The following ACYP2 variants were observed in gnomAD, a reference collection of about 807,000 sequenced individuals.
ACYP2 encodes acylphosphatase-2.
ACYP2 carries 12 observed loss-of-function variants against 11.2 expected under a neutral mutation model. The ratio of observed to expected loss-of-function variants is 1.08; its 90% confidence interval spans 0.69 to 1.74. ACYP2 has a LOEUF of 1.74. ACYP2 is among the 40% of genes most tolerant of loss of function. ACYP2 has a pLI of 0.00. For synonymous variants in ACYP2, 43 were observed against 32.2 expected (o/e 1.33, Z -1.13); for missense variants, 134 against 101.9 (o/e 1.31, Z -1.35).
At chr2:54,012,272 T>TGGCTCACAC (rs1463074441) in intron 2 of ACYP2, among the ~76,000 whole-genome samples, 1 of 150,532 alleles carries the variant, frequency 6.6e-6, no homozygotes, top group East Asian at 1.9e-4. Context: ...CTGGACATGG[T>TGGCTCACAC]GGCTCACACG....
intron 6 of ACYP2, among the ~76,000 whole-genome samples, chr2:54,160,361 A>G (rs1365143396): frequency 6.6e-6 from 1 of 152,192 alleles, no homozygotes; most frequent in African/African-American, 2.4e-5. Context: ...TGTGTGTGCT[A>G]TTGTCCATCC....
chr2:54,294,002 G>A (rs1689420210), intron 6 of ACYP2, among the ~76,000 whole-genome samples: 1 of 152,180 alleles, frequency 6.6e-6, no homozygotes, highest in South Asian at 2.1e-4. Context: ...AGGCAACTCA[G>A]TATTTTCCAA....
intron 4 of ACYP2, chr2:54,065,827 A>G (rs920621228): frequency 2.7e-5 from 7 of 255,150 alleles, no homozygotes; most frequent in African/African-American, 1.3e-4. Flanking sequence ...GCTCAGCTGA[A>G]TAGATTCTTG....
At chr2:54,012,693 A>G (rs145769428) in intron 2 of ACYP2, among the ~76,000 whole-genome samples, 1 of 152,002 alleles carries the variant, frequency 6.6e-6, no homozygotes, top group Admixed American at 6.6e-5. Context: ...TTAATCCATC[A>G]TCTCTGTCTG....
chr2:54,261,714 A>G (rs1687787787), intron 6 of ACYP2, among the ~76,000 whole-genome samples: 1 of 152,198 alleles, frequency 6.6e-6, no homozygotes. Context: ...AACATACAGA[A>G]CTATTTTTCT....
At chr2:54,049,578 C>T (rs932363053) in intron 2 of ACYP2, among the ~76,000 whole-genome samples, 5 of 152,178 alleles carry the variant, frequency 3.3e-5, no homozygotes, top group African/African-American at 4.8e-5. Context: ...GCTGTGCAAG[C>T]ATGGGCATGG....
At chr2:54,198,794 C>G (rs1275382483) in intron 6 of ACYP2, among the ~76,000 whole-genome samples, 2 of 152,192 alleles carry the variant, frequency 1.3e-5, no homozygotes, top group African/African-American at 4.8e-5. Flanking sequence ...ACCGAACTTA[C>G]ATTTCATAGT....
chr2:54,110,185 T>C (rs951439487), intron 4 of ACYP2, among the ~76,000 whole-genome samples: 1 of 152,224 alleles, frequency 6.6e-6, no homozygotes, highest in African/African-American at 2.4e-5. Context: ...TGAATCCCCA[T>C]CTACCCAAGA....
intron 2 of ACYP2, among the ~76,000 whole-genome samples, chr2:54,015,645 T>TCTCACACACACACACACA (rs1322863615): frequency 4.6e-5 from 6 of 130,420 alleles, no homozygotes; most frequent in African/African-American, 1.9e-4. Flanking sequence ...TGAGACCCCG[T>TCTCACACACACACACACA]CACACACACA....
chr2:54,026,834 C>G (rs1420877667), intron 2 of ACYP2, among the ~76,000 whole-genome samples: 1 of 149,950 alleles, frequency 6.7e-6, no homozygotes, highest in East Asian at 2.0e-4. Flanking sequence ...TATGTTCTCA[C>G]TTAGAAATGG....
chr2:54,238,744 A>G (rs1160966587), intron 6 of ACYP2, among the ~76,000 whole-genome samples: 1 of 152,086 alleles, frequency 6.6e-6, no homozygotes, highest in African/African-American at 2.4e-5. Flanking sequence ...GTGACTTAAT[A>G]TGTATATTCA....
chr2:54,161,327 G>A (rs1027273145), intron 6 of ACYP2, among the ~76,000 whole-genome samples: 6 of 152,158 alleles, frequency 3.9e-5, no homozygotes, highest in Admixed American at 2.6e-4. Context: ...GCTGGGACCC[G>A]TGCATCAAAT....
intron 2 of ACYP2, among the ~76,000 whole-genome samples, chr2:54,018,214 G>C (rs1389019063): frequency 1.3e-5 from 2 of 152,154 alleles, no homozygotes; most frequent in Non-Finnish European, 2.9e-5. Flanking sequence ...TCACCTAGAG[G>C]GTTTCACTGA....
chr2:54,145,721 A>T (rs1198921013), intron 6 of ACYP2, among the ~76,000 whole-genome samples: 1 of 152,202 alleles, frequency 6.6e-6, no homozygotes, highest in South Asian at 2.1e-4. Context: ...ACAATATTTT[A>T]ATCTATAAAA....
rs189395001 is a variant in ACYP2, at chr2:54,126,846, C to T, written c.278-8607C>T. On this transcript the variant is annotated intron_variant, in intron 4 of 6. Coordinates refer to ENST00000607452, the MANE Select transcript of ACYP2 (RefSeq NM_001320586.2). ...GCATGTGCCTGTAATCCCAGCTACC[C>T]GGGAGGGTGAGGCAGGAGAATAAGT... 1.7e-3 allele frequency among the ~76,000 whole-genome samples: 255 copies of T among 151,064 alleles called. 1 individual carries two copies. Among genetic ancestry groups the T allele is most frequent in the Admixed American group, 4.3e-3 (65 of 15,122 alleles).
intron 2 of ACYP2, among the ~76,000 whole-genome samples, chr2:54,027,825 C>CATG: frequency 7.8e-6 from 1 of 129,024 alleles, no homozygotes; most frequent in African/African-American, 3.0e-5. Flanking sequence ...CATCATGTTT[C>CATG]TTTCTTTCTT....
At chr2:54,045,383 T>C (rs904157704) in intron 2 of ACYP2, among the ~76,000 whole-genome samples, 2 of 152,212 alleles carry the variant, frequency 1.3e-5, no homozygotes, top group African/African-American at 4.8e-5. Flanking sequence ...TCTCAGTGTA[T>C]TGGCGTGTTA....
intron 4 of ACYP2, among the ~76,000 whole-genome samples, chr2:54,131,901 G>T (rs888404143): frequency 5.9e-5 from 9 of 152,162 alleles, no homozygotes; most frequent in African/African-American, 1.9e-4. Context: ...TTGGAGGAGG[G>T]GCCCAAGAAT....
chr2:54,221,213 T>C (rs1685787096), intron 6 of ACYP2, among the ~76,000 whole-genome samples: 1 of 152,158 alleles, frequency 6.6e-6, no homozygotes, highest in Non-Finnish European at 1.5e-5. Context: ...CCAGCCTAGA[T>C]CAGTCAAACT....
Sources: gnomAD v4.1 joint callset for allele counts (sites outside exome capture counted in the v4.1 genomes callset) on GRCh38, gnomAD v4.1.1 for gene constraint, MANE v1.5 for transcripts, NCBI Gene and HGNC (gene_info 2026-07-23, HGNC 2026-07-21) for gene names.